SLC25A13: variants seen among roughly 807,000 people sequenced by gnomAD.
SLC25A13 encodes the protein solute carrier family 25 member 13.
In SLC25A13, 70 loss-of-function variants were observed where a neutral mutation model predicts 85.5. That is an observed-to-expected ratio of 0.82 (90% CI 0.68 to 1.00). The LOEUF (loss-of-function observed/expected upper bound fraction) is 1.00. Ranked by LOEUF, SLC25A13 falls within the 50% of genes least tolerant of loss-of-function variation. The probability of loss-of-function intolerance (pLI) is 0.00; values close to 1 mark genes in which losing one functional copy is unlikely to be tolerated. For synonymous variants in SLC25A13, 259 were observed against 288.7 expected (o/e 0.90, Z 1.04); for missense variants, 765 against 819.8 (o/e 0.93, Z 0.82).
chr7:96,142,262 C>T (rs1438017415), intron 14 of SLC25A13, among the ~76,000 whole-genome samples: 1 of 152,064 alleles, frequency 6.6e-6, no homozygotes. Context: ...GCTTTTCAGC[C>T]CTTTCCTCCT....
At chr7:96,146,490 G>A in intron 14 of SLC25A13, 66 bp downstream of exon 14, 2 of 1,571,436 alleles carry the variant, frequency 1.3e-6, no homozygotes, top group South Asian at 1.2e-5. Context: ...TCATGTTGAA[G>A]AATAGTTTCT....
chr7:96,319,586 G>A (rs1371111728), intron 1 of SLC25A13, among the ~76,000 whole-genome samples: 1 of 150,002 alleles, frequency 6.7e-6, no homozygotes, highest in Non-Finnish European at 1.5e-5. Flanking sequence ...GCAGTATAAG[G>A]AGACTTCTCT....
chr7:96,223,041 C>T (rs1437257135), intron 4 of SLC25A13, among the ~76,000 whole-genome samples: 1 of 152,084 alleles, frequency 6.6e-6, no homozygotes, highest in African/African-American at 2.4e-5. Flanking sequence ...AAGGGCAGCT[C>T]ACTGACCTCT....
At chr7:96,267,066 A>G (rs1347098496) in intron 3 of SLC25A13, among the ~76,000 whole-genome samples, 2 of 152,198 alleles carry the variant, frequency 1.3e-5, no homozygotes, top group African/African-American at 4.8e-5. Context: ...AACTTTCCTC[A>G]TTAGCAAATT....
intron 14 of SLC25A13, among the ~76,000 whole-genome samples, chr7:96,136,294 G>A (rs1385874077): frequency 6.6e-6 from 1 of 152,100 alleles, no homozygotes; most frequent in African/African-American, 2.4e-5. Flanking sequence ...AGATTCTGGC[G>A]GCAGCATATC....
At chr7:96,143,309 T>C (rs1430229229) in intron 14 of SLC25A13, among the ~76,000 whole-genome samples, 4 of 152,234 alleles carry the variant, frequency 2.6e-5, no homozygotes, top group Admixed American at 2.0e-4. Flanking sequence ...CAAAAGTAGA[T>C]GGATACAACT....
At chr7:96,279,480 T>C (rs1377779643) in intron 2 of SLC25A13, among the ~76,000 whole-genome samples, 1 of 152,128 alleles carries the variant, frequency 6.6e-6, no homozygotes, top group Non-Finnish European at 1.5e-5. Flanking sequence ...CAAAGTCACA[T>C]CTTAACATGG....
At chr7:96,247,351 T>C (rs78429110) in intron 3 of SLC25A13, among the ~76,000 whole-genome samples, 3,481 of 151,688 alleles carry the variant, frequency 0.023, 63 homozygotes, top group Non-Finnish European at 0.037. Context: ...TTTAAGACCA[T>C]AAAAAAGAAA....
At chr7:96,212,550 A>G (rs529464290) in intron 4 of SLC25A13, among the ~76,000 whole-genome samples, 3 of 152,184 alleles carry the variant, frequency 2.0e-5, no homozygotes, top group Non-Finnish European at 4.4e-5. Flanking sequence ...GAAAGGTGTC[A>G]AGGATTTACT....
intron 12 of SLC25A13, among the ~76,000 whole-genome samples, chr7:96,171,067 T>C (rs1398919985): frequency 6.6e-6 from 1 of 152,210 alleles, no homozygotes; most frequent in Admixed American, 6.5e-5. Flanking sequence ...ATTCTAGTTC[T>C]CCCACTCATG....
intron 3 of SLC25A13, among the ~76,000 whole-genome samples, chr7:96,271,398 C>A (rs1203514532): frequency 6.6e-6 from 1 of 152,106 alleles, no homozygotes. Flanking sequence ...GTTTTTGCAA[C>A]TAAAAGGTTT....
intron 14 of SLC25A13, among the ~76,000 whole-genome samples, chr7:96,144,819 C>T (rs1057102408): frequency 2.6e-5 from 4 of 152,164 alleles, no homozygotes; most frequent in Non-Finnish European, 4.4e-5. Flanking sequence ...GTTTAACAGT[C>T]TCTGTTTCTG....
chr7:96,229,637 C>T (rs1025254907), intron 4 of SLC25A13, among the ~76,000 whole-genome samples: 6 of 152,056 alleles, frequency 3.9e-5, no homozygotes, highest in Non-Finnish European at 5.9e-5. Flanking sequence ...CTGAGGCCAG[C>T]GACACCACGA....
At chr7:96,284,730 T>C (rs918590574) in intron 2 of SLC25A13, among the ~76,000 whole-genome samples, 6 of 152,224 alleles carry the variant, frequency 3.9e-5, no homozygotes, top group South Asian at 2.1e-4. Context: ...AAATGGGAGT[T>C]CCCCTGCACA....
chr7:96,285,644 C>T (rs1017641325), intron 2 of SLC25A13, among the ~76,000 whole-genome samples: 6 of 152,140 alleles, frequency 3.9e-5, no homozygotes, highest in Admixed American at 3.9e-4. Context: ...TTTGCTTTAA[C>T]CACAACGCAG....
chr7:96,182,053 T>C (rs1439783794), intron 11 of SLC25A13, among the ~76,000 whole-genome samples: 1 of 152,240 alleles, frequency 6.6e-6, no homozygotes, highest in Non-Finnish European at 1.5e-5. Context: ...ATGAGTTACC[T>C]ACATTTTCAT....
chr7:96,188,667 A>T (rs1214390871), intron 9 of SLC25A13, among the ~76,000 whole-genome samples: 40 of 152,236 alleles, frequency 2.6e-4, no homozygotes, highest in Non-Finnish European at 7.3e-5. Flanking sequence ...GTTAAAGGAG[A>T]AAGTTCCATG....
intron 4 of SLC25A13, among the ~76,000 whole-genome samples, chr7:96,211,151 C>T (rs1230011029): frequency 1.3e-5 from 2 of 152,000 alleles, no homozygotes; most frequent in Non-Finnish European, 2.9e-5. Context: ...TGTGTCTCAC[C>T]ATAAACAACA....
chr7:96,219,610 C>T (rs1796026714), intron 4 of SLC25A13: 5 of 508,168 alleles, frequency 9.8e-6, no homozygotes, highest in South Asian at 7.3e-5. Context: ...AACTACATTC[C>T]CTTGGAGAGC....
Sources: gnomAD v4.1 joint callset for allele counts (sites outside exome capture counted in the v4.1 genomes callset) on GRCh38, gnomAD v4.1.1 for gene constraint, MANE v1.5 for transcripts, NCBI Gene and HGNC (gene_info 2026-07-23, HGNC 2026-07-21) for gene names.